Variants in VAC14 observed in about 807,000 individuals in gnomAD.
VAC14 encodes VAC14 component of PIKFYVE complex.
A neutral mutation model predicts 85.3 loss-of-function variants in VAC14; 47 were observed. The observed-to-expected ratio is 0.55, with a 90% CI of 0.44 to 0.70. VAC14 has a LOEUF of 0.70. Among genes scored for constraint, VAC14 ranks in the 30% least tolerant of loss-of-function variants. The pLI, the probability that VAC14 is intolerant of heterozygous loss-of-function variation, is 0.00. For missense variants in VAC14, 861 were observed against 1,004.3 expected (o/e 0.86, Z 1.93); for synonymous variants, 447 against 430.5 (o/e 1.04, Z -0.47).
chr16:70,786,254 G>A lies in VAC14; in HGVS notation c.216C>T (p.Gly72=), dbSNP rs146474265. ...LSQHPHSRKG[G]LIGLAACSIA... is the part of the protein sequence containing the mutation. ...TGGAGCAGGCGGCCAGGCCGATGAG[G>A]CCCCCTTTCCGGCTGTGGGGGTGCT... Residue 72 remains glycine (G), a synonymous_variant, in exon 2 of 19, where the codon GGC becomes GGT. Transcript: ENST00000261776. 30 of 1,614,238 alleles carry A rather than the reference G, an allele frequency of 1.9e-5. No homozygotes were observed. In the African/African-American group the frequency reaches 2.8e-4, roughly 15 times the overall value.
At chr16:70,793,116 C>T (rs1447651267) in intron 1 of VAC14, among the ~76,000 whole-genome samples, 1 of 152,160 alleles carries the variant, frequency 6.6e-6, no homozygotes, top group Non-Finnish European at 1.5e-5. Flanking sequence ...GAACTAAGGC[C>T]CCCAAGTGAA....
chr16:70,695,641 G>T lies in VAC14; in HGVS notation c.1956-18C>A, dbSNP rs1478814293. The T allele has an allele frequency of 6.2e-7, 1 of 1,610,718 alleles. No homozygotes were observed. Among genetic ancestry groups the T allele is most frequent in the South Asian group, 1.1e-5 (1 of 91,004 alleles). ...GGTCCCCACTGGGTGTGCAGTCAAG[G>T]AAAGTCTGTCTGCTGGGCCAGCACA... On this transcript the variant is annotated intron_variant, in intron 16 of 18. Coordinates refer to ENST00000261776, the MANE Select transcript of VAC14 (RefSeq NM_018052.5).
intron 14 of VAC14, among the ~76,000 whole-genome samples, chr16:70,721,946 C>T (rs1443449719): frequency 6.6e-6 from 1 of 152,190 alleles, no homozygotes; most frequent in African/African-American, 2.4e-5. Context: ...GGACCCCAGG[C>T]CCGGTGGAGG....
intron 13 of VAC14, among the ~76,000 whole-genome samples, chr16:70,741,438 T>C (rs988707166): frequency 6.6e-6 from 1 of 152,256 alleles, no homozygotes; most frequent in Non-Finnish European, 1.5e-5. Flanking sequence ...GGCTGTTCTC[T>C]TACTGGTTTA....
intron 18 of VAC14, chr16:70,691,410 G>A (rs1013359699): frequency 1.9e-5 from 19 of 985,480 alleles, no homozygotes; most frequent in East Asian, 1.1e-4. Context: ...ACTATGGGGC[G>A]TTGAAGGGCC....
intron 12 of VAC14, among the ~76,000 whole-genome samples, chr16:70,759,221 G>C (rs1222700275): frequency 6.6e-6 from 1 of 152,238 alleles, no homozygotes; most frequent in Non-Finnish European, 1.5e-5. Context: ...GGGAGAGCAA[G>C]ACATTTGCAA....
rs1294423907 is a variant in VAC14, at chr16:70,692,086, C to A, written c.2186+735G>T. ...AATTTTCCATCTCGGATGCCAAATG[C>A]CTGTGGATGAGGCAAAGCCTCCAAG... On this transcript the variant is annotated intron_variant, in intron 18 of 18. Coordinates refer to ENST00000261776, the MANE Select transcript of VAC14 (RefSeq NM_018052.5). 7 of 981,724 alleles carry A rather than the reference C, an allele frequency of 7.1e-6. No individual in the cohort carries two copies. The African/African-American group carries it at 1.3e-4, about 18-fold the overall frequency. 60.8% of individuals were successfully genotyped at this position (981,724 alleles called of 1,614,324 possible). A position where few individuals can be genotyped will look rare whatever the true frequency, so the allele number is the denominator to read the frequency against.
At chr16:70,781,426 T>C (rs1490491413) in intron 8 of VAC14, among the ~76,000 whole-genome samples, 1 of 152,214 alleles carries the variant, frequency 6.6e-6, no homozygotes, top group African/African-American at 2.4e-5. Flanking sequence ...GAACCTCGTA[T>C]TCCTAGTCTG....
chr16:70,722,091 A>G (rs1351300684), intron 14 of VAC14, among the ~76,000 whole-genome samples: 1 of 152,196 alleles, frequency 6.6e-6, no homozygotes, highest in Non-Finnish European at 1.5e-5. Flanking sequence ...AGATGGAACA[A>G]TGACGAGGAC....
intron 12 of VAC14, 79 bp from the exon 13 acceptor site, chr16:70,744,658 C>CTGTGTGCCACCA: frequency 6.7e-7 from 1 of 1,486,718 alleles, no homozygotes; most frequent in Non-Finnish European, 8.9e-7. Context: ...CGGTTGGTGG[C>CTGTGTGCCACCA]ACACAGCCAC....
At chr16:70,698,210 C>G (rs756900185) in intron 15 of VAC14, among the ~76,000 whole-genome samples, 6 of 152,128 alleles carry the variant, frequency 3.9e-5, no homozygotes, top group Non-Finnish European at 8.8e-5. Context: ...CCAAGGAGGG[C>G]GAGAAGAGCT....
chr16:70,710,347 C>T (rs1180340254), intron 14 of VAC14, among the ~76,000 whole-genome samples: 1 of 152,240 alleles, frequency 6.6e-6, no homozygotes, highest in Non-Finnish European at 1.5e-5. Flanking sequence ...TGGCATGTGA[C>T]CTCACACAGG....
At chr16:70,721,351 G>C (rs1257427733) in intron 14 of VAC14, among the ~76,000 whole-genome samples, 1 of 152,044 alleles carries the variant, frequency 6.6e-6, no homozygotes, top group Non-Finnish European at 1.5e-5. Context: ...GGGAAGAGGA[G>C]AAACAGGAAG....
rs368730467 is a variant in VAC14, at chr16:70,777,586, T to A, written c.1096+3204A>T. 4.6e-5 allele frequency among the ~76,000 whole-genome samples: 7 copies of A among 152,128 alleles called. No individual in the cohort carries two copies. The East Asian group carries it at 9.6e-4, about 21-fold the overall frequency. ...CAGAACCAGGGAAACGGCACTGTGCTGTGGATGGCCCCAAGTGGCAGGCCA... is the reference window on the plus strand; with the variant it reads ...CAGAACCAGGGAAACGGCACTGTGCAGTGGATGGCCCCAAGTGGCAGGCCA... On this transcript the variant is annotated intron_variant, in intron 9 of 18. Coordinates refer to ENST00000261776, the MANE Select transcript of VAC14 (RefSeq NM_018052.5).
rs773711941 is a variant in VAC14 at position 70,763,051 on chromosome 16, C to T, written c.1161-26G>A. 4 of 1,613,804 alleles carry T rather than the reference C, an allele frequency of 2.5e-6. No individual in the cohort carries two copies. The African/African-American group carries it at 4.0e-5, about 16-fold the overall frequency. On this transcript the variant is annotated intron_variant, in intron 10 of 18. Coordinates refer to ENST00000261776, the MANE Select transcript of VAC14 (RefSeq NM_018052.5). The stretch of plus-strand genomic sequence containing the variant: ...CTGTGGGTAAGATCGGGAGGGAGAG[C>T]AGAGGTGAAGCCCACCATAGCCCTC...
intron 17 of VAC14, 108 bp downstream of exon 17, chr16:70,695,436 T>G (rs1233414974): frequency 8.7e-7 from 1 of 1,146,142 alleles, no homozygotes; most frequent in Non-Finnish European, 1.3e-6. Context: ...GTGACTGCTC[T>G]TCCTCCCTCC....
At position 70,698,825 on chromosome 16, in the gene VAC14, A is replaced by C; in HGVS notation, c.1662-14T>G. On this transcript the variant is annotated splice_polypyrimidine_tract_variant and intron_variant, in intron 14 of 18. Transcript: ENST00000261776. Reference sequence around the variant, plus strand: ...AGGCACAGCTGCCTGGAGAGCAGGCAGACTGGGGTCAGGGCGCAGGCCGAC... The same window carrying C: ...AGGCACAGCTGCCTGGAGAGCAGGCCGACTGGGGTCAGGGCGCAGGCCGAC... 6.2e-7 allele frequency: 1 copy of C among 1,613,144 alleles called. No individual in the cohort carries two copies. Among genetic ancestry groups the C allele is most frequent in the South Asian group, 1.1e-5 (1 of 91,042 alleles).
At chr16:70,767,134 T>C (rs1597974001) in intron 10 of VAC14, among the ~76,000 whole-genome samples, 1 of 152,364 alleles carries the variant, frequency 6.6e-6, no homozygotes, top group Non-Finnish European at 1.5e-5. Flanking sequence ...AAGCATCTTA[T>C]AATGAATGTC....
chr16:70,689,191 G>C, intron 18 of VAC14: 1 of 978,816 alleles, frequency 1.0e-6, no homozygotes, highest in South Asian at 4.7e-5. Context: ...TGCAAAGCGA[G>C]GGCTACCTAA....
Sources: allele counts gnomAD v4.1 joint callset (sites outside exome capture counted in the v4.1 genomes callset), GRCh38; gene constraint gnomAD v4.1.1; transcripts MANE v1.5; gene names NCBI Gene and HGNC (gene_info 2026-07-23, HGNC 2026-07-21).